The following TSHR variants were observed in gnomAD, a reference collection of about 807,000 sequenced individuals.
TSHR encodes the protein thyroid stimulating hormone receptor, also known as thyrotropin receptor.
TSHR carries 51 observed loss-of-function variants against 64.1 expected under a neutral mutation model. The ratio of observed to expected loss-of-function variants is 0.80; its 90% CI spans 0.64 to 1.01. The LOEUF is 1.01. TSHR is among the 50% of genes least tolerant of loss of function. The pLI is 0.00. For missense variants in TSHR, 877 were observed against 942.8 expected (o/e 0.93, Z 0.91); for synonymous variants, 361 against 361.9 (o/e 1.00, Z 0.03).
intron 3 of TSHR, among the ~76,000 whole-genome samples, chr14:81,084,904 C>T (rs1235162769): frequency 6.6e-6 from 1 of 152,202 alleles, no homozygotes; most frequent in Non-Finnish European, 1.5e-5. Context: ...TTCCTTTCTT[C>T]CTATCTTTGA....
intron 1 of TSHR, among the ~76,000 whole-genome samples, chr14:80,965,343 G>C (rs1357213540): frequency 6.6e-6 from 1 of 152,114 alleles, no homozygotes; most frequent in Non-Finnish European, 1.5e-5. Context: ...AGTTGATCAC[G>C]ACCCTCACTC....
chr14:81,088,807 A>G (rs1010500848), intron 4 of TSHR, among the ~76,000 whole-genome samples: 1 of 152,184 alleles, frequency 6.6e-6, no homozygotes, highest in African/African-American at 2.4e-5. Context: ...CTTCATCCAG[A>G]CCTTCAAAAC....
chr14:81,088,635 G>C (rs1356262299), intron 4 of TSHR, among the ~76,000 whole-genome samples: 1 of 152,178 alleles, frequency 6.6e-6, no homozygotes, highest in Non-Finnish European at 1.5e-5. Flanking sequence ...TTCAGTGGAT[G>C]TGTCTGTATG....
At chr14:81,032,213 G>A (rs905899973) in intron 1 of TSHR, among the ~76,000 whole-genome samples, 1 of 152,112 alleles carries the variant, frequency 6.6e-6, no homozygotes, top group Non-Finnish European at 1.5e-5. Flanking sequence ...ATGGGTGGGG[G>A]TATTTTCTCC....
chr14:81,035,153 G>A (rs1884557412), intron 1 of TSHR, among the ~76,000 whole-genome samples: 1 of 152,172 alleles, frequency 6.6e-6, no homozygotes, highest in African/African-American at 2.4e-5. Flanking sequence ...TGGAGTTTAA[G>A]AGTTGAAGCG....
chr14:81,117,017 GGAC>G (rs1177389004), intron 8 of TSHR, among the ~76,000 whole-genome samples: 1 of 131,752 alleles, frequency 7.6e-6, no homozygotes, highest in Non-Finnish European at 1.6e-5. Context: ...AGAATCTCTG[GGAC>G]GCATTCAAAG....
At chr14:81,056,553 A>G (rs899333246) in intron 1 of TSHR, among the ~76,000 whole-genome samples, 19 of 152,314 alleles carry the variant, frequency 1.2e-4, no homozygotes, top group African/African-American at 4.6e-4. Context: ...AATACAAAAA[A>G]TTATGCTAAA....
intron 6 of TSHR, chr14:81,095,649 C>T (rs1889121458): frequency 1.3e-5 from 2 of 152,132 alleles, no homozygotes; most frequent in South Asian, 4.1e-4. Flanking sequence ...GCAAGTCACC[C>T]TCATGTCTCA....
chr14:81,002,125 A>G (rs1443629993), intron 1 of TSHR, among the ~76,000 whole-genome samples: 1 of 152,162 alleles, frequency 6.6e-6, no homozygotes, highest in Non-Finnish European at 1.5e-5. Flanking sequence ...TATCAATGGG[A>G]TTGTTTTAAA....
intron 1 of TSHR, among the ~76,000 whole-genome samples, chr14:81,044,084 A>G (rs1458176690): frequency 6.6e-6 from 1 of 152,242 alleles, no homozygotes; most frequent in Non-Finnish European, 1.5e-5. Context: ...AAATTGACAA[A>G]TGGGATCTAA....
chr14:81,057,347 G>T (rs943262176), intron 1 of TSHR, among the ~76,000 whole-genome samples: 10 of 152,236 alleles, frequency 6.6e-5, no homozygotes, highest in Admixed American at 3.9e-4. Flanking sequence ...AGAGGCAGAG[G>T]TTGCAGTGAG....
At chr14:80,958,680 C>G (rs899179652) in intron 1 of TSHR, among the ~76,000 whole-genome samples, 3 of 151,956 alleles carry the variant, frequency 2.0e-5, no homozygotes, top group South Asian at 4.2e-4. Flanking sequence ...TCTTTCTAGA[C>G]AAGAAAGATC....
intron 8 of TSHR, among the ~76,000 whole-genome samples, chr14:81,132,975 C>T (rs1220324540): frequency 1.3e-5 from 2 of 152,048 alleles, no homozygotes; most frequent in African/African-American, 2.4e-5. Flanking sequence ...AAAATACAGC[C>T]TCAAATAACT....
intron 1 of TSHR, among the ~76,000 whole-genome samples, chr14:81,023,542 C>T (rs879471780): frequency 4.6e-5 from 7 of 152,134 alleles, no homozygotes; most frequent in Non-Finnish European, 1.0e-4. Flanking sequence ...ACTTCAGCAC[C>T]TCCAGTGTTG....
intron 1 of TSHR, among the ~76,000 whole-genome samples, chr14:80,985,564 A>G (rs1395890708): frequency 1.3e-5 from 2 of 152,224 alleles, no homozygotes; most frequent in Non-Finnish European, 2.9e-5. Context: ...AAGCATGCCC[A>G]GGACGTTTAG....
chr14:81,087,669 A>G (rs893902798), intron 3 of TSHR: 3 of 412,594 alleles, frequency 7.3e-6, no homozygotes, highest in Middle Eastern at 7.1e-4. Flanking sequence ...GTAAAAGAAA[A>G]AAAATTCTGA....
chr14:80,978,526 T>C (rs1888009457), intron 1 of TSHR, among the ~76,000 whole-genome samples: 1 of 152,208 alleles, frequency 6.6e-6, no homozygotes. Context: ...TGGGGAGCTC[T>C]AGAGCAAAGA....
chr14:81,075,097 T>A (rs539172545), intron 3 of TSHR, among the ~76,000 whole-genome samples: 1 of 152,194 alleles, frequency 6.6e-6, no homozygotes, highest in Non-Finnish European at 1.5e-5. Flanking sequence ...AGACCATAAT[T>A]TACTTTTTTA....
intron 1 of TSHR, among the ~76,000 whole-genome samples, chr14:81,000,672 T>TC (rs1458638180): frequency 6.6e-6 from 1 of 152,170 alleles, no homozygotes; most frequent in African/African-American, 2.4e-5. Context: ...ATTCTCTCTC[T>TC]CTCCTCCTAT....
Sources: allele counts gnomAD v4.1 joint callset (sites outside exome capture counted in the v4.1 genomes callset), GRCh38; gene constraint gnomAD v4.1.1; transcripts MANE v1.5; gene names NCBI Gene and HGNC (gene_info 2026-07-23, HGNC 2026-07-21).